COL4A1: variants seen among roughly 807,000 people sequenced by gnomAD.
The protein encoded by COL4A1 is collagen alpha-1(IV) chain.
In COL4A1, 40 loss-of-function variants were observed where a neutral mutation model predicts 216.6. That is an observed-to-expected ratio of 0.18 (90% CI 0.14 to 0.24). The LOEUF (loss-of-function observed/expected upper bound fraction) is 0.24, where lower values mean the gene tolerates loss of function less well. COL4A1 is among the 10% of genes least tolerant of loss of function. The probability of loss-of-function intolerance (pLI) is 1.00; values close to 1 mark genes in which losing one functional copy is unlikely to be tolerated. For synonymous variants in COL4A1, 839 were observed against 810.7 expected (o/e 1.03, Z -0.59); for missense variants, 1,628 against 2,196.8 (o/e 0.74, Z 5.18).
intron 1 of COL4A1, among the ~76,000 whole-genome samples, chr13:110,295,425 T>C (rs1474310659): frequency 3.7e-5 from 4 of 107,086 alleles, no homozygotes; most frequent in Admixed American, 9.2e-5. Flanking sequence ...TCACTTCCTT[T>C]TTTTTTTTTT....
chr13:110,262,444 A>C (rs1221006361), intron 1 of COL4A1, among the ~76,000 whole-genome samples: 1 of 152,250 alleles, frequency 6.6e-6, no homozygotes, highest in Non-Finnish European at 1.5e-5. Context: ...TTTAGAGCAA[A>C]TCAGAAGGCA....
chr13:110,205,388 C>T lies in COL4A1; in HGVS notation c.922G>A (p.Gly308Arg), dbSNP rs370677625. 1.7e-5 allele frequency: 27 copies of T among 1,613,946 alleles called. No individual in the cohort carries two copies. The highest frequency in any genetic ancestry group is 5.3e-5 in the African/African-American group (4 of 74,856). Residue 308 changes from glycine (G) to arginine (R), a missense_variant, in exon 17 of 52, where the codon GGG (glycine) becomes AGG (arginine). Gly to Arg is a moderately radical substitution (Grantham distance 125, BLOSUM62 -2). Around this residue, in one of 8 missense-constraint regions of COL4A1, gnomAD observed 701 missense variants for 892.5 expected, o/e 0.79. Transcript: ENST00000375820. The stretch of plus-strand genomic sequence containing the variant: ...TGGCGGCCTATGAGTCCTGGGTACC[C>T]GGGTTCACCAGGAAAACCCTGAAAC... ...KGSPGFPGEPGYPGLIGRQGP... is the reference protein window; with the variant it reads ...KGSPGFPGEPRYPGLIGRQGP...
At position 110,174,766 on chromosome 13, in the gene COL4A1, G is replaced by C. The variant is rs760727961; in HGVS notation, c.3199-17C>G. 1 of 1,611,950 alleles carries C rather than the reference G, an allele frequency of 6.2e-7. No individual in the cohort carries two copies. Among genetic ancestry groups the C allele is most frequent in the South Asian group, 1.1e-5 (1 of 91,028 alleles). On this transcript the variant is annotated splice_polypyrimidine_tract_variant and intron_variant, in intron 37 of 51. Transcript: ENST00000375820. ...TTGATCTCCCTGCAAGTAAAAGTCAGGCATATTAACTTTACATTTGTCCAT... is the reference window on the plus strand; with the variant it reads ...TTGATCTCCCTGCAAGTAAAAGTCACGCATATTAACTTTACATTTGTCCAT...
At chr13:110,276,732 G>A (rs1594110546) in intron 1 of COL4A1, among the ~76,000 whole-genome samples, 1 of 152,140 alleles carries the variant, frequency 6.6e-6, no homozygotes, top group Non-Finnish European at 1.5e-5. Flanking sequence ...CTCTCCTGCT[G>A]TTGTGACCAG....
intron 18 of COL4A1, among the ~76,000 whole-genome samples, chr13:110,203,136 C>G (rs1879323559): frequency 6.6e-6 from 1 of 152,032 alleles, no homozygotes; most frequent in Non-Finnish European, 1.5e-5. Flanking sequence ...TCACTTGAAC[C>G]CAGGAGGCAG....
rs1491407261 is a variant in COL4A1, at chr13:110,252,485, ACG to A, written c.85-9753_85-9752del. 1.5e-4 allele frequency among the ~76,000 whole-genome samples: 8 copies of A among 52,706 alleles called. 2 individuals are homozygous for A. Among genetic ancestry groups the A allele is most frequent in the African/African-American group, 5.9e-4 (8 of 13,466 alleles). 34.6% of individuals were successfully genotyped at this position (52,706 alleles called of 152,430 possible). On this transcript the variant is annotated intron_variant, in intron 1 of 51. Transcript: ENST00000375820. ...ACATATAATTATATGTATTATATAT[ACG>A]TATAATTATACGTATATATGTATTA...
intron 1 of COL4A1, among the ~76,000 whole-genome samples, chr13:110,286,117 C>A (rs1311946614): frequency 6.6e-6 from 1 of 152,110 alleles, no homozygotes; most frequent in African/African-American, 2.4e-5. Flanking sequence ...ACGGGAATGC[C>A]CTAAGGAGAA....
At chr13:110,261,036 CA>C (rs575253533) in intron 1 of COL4A1, among the ~76,000 whole-genome samples, 7 of 83,452 alleles carry the variant, frequency 8.4e-5, no homozygotes, top group East Asian at 7.4e-4. Flanking sequence ...GACTCCGTCT[CA>C]AAAAAAAAAA....
At chr13:110,223,392 AT>A (rs1488958674) in intron 2 of COL4A1, among the ~76,000 whole-genome samples, 1 of 152,160 alleles carries the variant, frequency 6.6e-6, no homozygotes, top group Non-Finnish European at 1.5e-5. Flanking sequence ...AGAAAAAAAA[AT>A]CTATCCAGTT....
chr13:110,259,164 C>A (rs570390359), intron 1 of COL4A1, among the ~76,000 whole-genome samples: 1 of 152,324 alleles, frequency 6.6e-6, no homozygotes, highest in East Asian at 1.9e-4. Context: ...CACATTTTAC[C>A]TTTTTAAGGC....
intron 18 of COL4A1, among the ~76,000 whole-genome samples, chr13:110,203,074 A>C (rs1189153818): frequency 1.3e-5 from 2 of 152,104 alleles, no homozygotes; most frequent in Admixed American, 1.3e-4. Context: ...TTAGCTGGGC[A>C]TGGTGGCGGG....
At chr13:110,183,504 T>G (rs768369198) in intron 26 of COL4A1, among the ~76,000 whole-genome samples, 2 of 152,198 alleles carry the variant, frequency 1.3e-5, no homozygotes, top group Non-Finnish European at 2.9e-5. Context: ...ATGACCAAGA[T>G]GTTTGTTGGA....
chr13:110,253,800 T>C (rs1443955044), intron 1 of COL4A1, among the ~76,000 whole-genome samples: 1 of 102,528 alleles, frequency 9.8e-6, no homozygotes, highest in South Asian at 3.3e-4. Flanking sequence ...ATTATACGTA[T>C]ATATGTATAA....
chr13:110,240,469 C>T (rs1881513927), intron 2 of COL4A1, among the ~76,000 whole-genome samples: 1 of 152,222 alleles, frequency 6.6e-6, no homozygotes, highest in African/African-American at 2.4e-5. Context: ...GAGCCTCCCT[C>T]GGGACACAAC....
At chr13:110,260,990 T>TCG (rs1352976484) in intron 1 of COL4A1, among the ~76,000 whole-genome samples, 2 of 117,396 alleles carry the variant, frequency 1.7e-5, no homozygotes, top group Non-Finnish European at 3.2e-5. Context: ...TGAGCTGAGA[T>TCG]CGCGCCACTG....
rs965612111 is a variant in COL4A1, at chr13:110,207,956, T to G, written c.694-467A>C. ...GCCTAAAAATTACAACTGCATACAT[T>G]TCAGAGTCACTATATTTCAAAGTTT... On this transcript the variant is annotated intron_variant, in intron 12 of 51. Transcript: ENST00000375820. This position sits in a 1 kb window ranked among gnomAD's most constrained non-coding sequence, Gnocchi z 4.4. Among the ~76,000 whole-genome samples, 1 of 152,268 alleles carries G rather than the reference T, an allele frequency of 6.6e-6. No homozygotes were observed. The highest frequency in any genetic ancestry group is 1.5e-5 in the Non-Finnish European group (1 of 68,008).
Position 110,167,113 on chromosome 13 carries a change from G to T in COL4A1, c.3949+45C>A, listed in dbSNP as rs1778817. On this transcript the variant is annotated intron_variant, in intron 44 of 51. Transcript: ENST00000375820. The stretch of plus-strand genomic sequence containing the variant: ...GAGGTTAGCAAGCTCTTCACACAGC[G>T]TCTGCTGCTGCAAAGGCTGTGCAGC... 2.0e-6 allele frequency: 3 copies of T among 1,535,086 alleles called. No individual in the cohort carries two copies. In the South Asian group the frequency reaches 3.4e-5, roughly 17 times the overall value.
chr13:110,159,233 G>C (rs951326725), intron 49 of COL4A1, among the ~76,000 whole-genome samples: 2 of 148,376 alleles, frequency 1.3e-5, no homozygotes, highest in African/African-American at 5.0e-5. Context: ...ATTTTCGATG[G>C]GTACAATATC....
intron 2 of COL4A1, among the ~76,000 whole-genome samples, chr13:110,226,852 GAATA>G (rs1339538723): frequency 1.3e-5 from 2 of 152,150 alleles, no homozygotes; most frequent in African/African-American, 2.4e-5. Flanking sequence ...TTTTAAAACT[GAATA>G]GATAAGAAAA....
Sources: gnomAD v4.1 joint callset for allele counts (sites outside exome capture counted in the v4.1 genomes callset) on GRCh38, gnomAD v4.1.1 for gene constraint, gnomAD v4.1.1 regional missense constraint, Gnocchi (gnomAD v3.1) non-coding constraint, MANE v1.5 for transcripts, NCBI Gene and HGNC (gene_info 2026-07-23, HGNC 2026-07-21) for gene names.